Variants in BMPR1B observed in about 807,000 individuals in gnomAD.
The protein encoded by BMPR1B is bone morphogenetic protein receptor type 1B.
BMPR1B carries 12 observed loss-of-function variants against 59.1 expected under a neutral mutation model. The ratio of observed to expected loss-of-function variants is 0.20; its 90% CI spans 0.13 to 0.33. The LOEUF (loss-of-function observed/expected upper bound fraction) is 0.33, where lower values mean the gene tolerates loss of function less well. Among genes scored for constraint, BMPR1B ranks in the 10% least tolerant of loss-of-function variants. The probability of loss-of-function intolerance (pLI) is 1.00; values close to 1 mark genes in which losing one functional copy is unlikely to be tolerated. For synonymous variants in BMPR1B, 237 were observed against 207.3 expected (o/e 1.14, Z -1.23); for missense variants, 550 against 610.9 (o/e 0.90, Z 1.05).
intron 5 of BMPR1B, 50 bp downstream of exon 5, chr4:95,114,872 C>T (rs1355903997): frequency 6.7e-7 from 1 of 1,496,146 alleles, no homozygotes; most frequent in Admixed American, 1.7e-5. Context: ...AGATTTCCAA[C>T]AAGTTTCAAG....
chr4:94,992,805 C>A (rs1182563664), intron 2 of BMPR1B, among the ~76,000 whole-genome samples: 1 of 152,194 alleles, frequency 6.6e-6, no homozygotes, highest in Non-Finnish European at 1.5e-5. Context: ...CATCTCCTTA[C>A]AACCACCAAT....
intron 1 of BMPR1B, among the ~76,000 whole-genome samples, chr4:94,839,180 G>A (rs1456934870): frequency 7.7e-6 from 1 of 130,288 alleles, no homozygotes; most frequent in Non-Finnish European, 1.7e-5. Context: ...TTACTTCCAA[G>A]TATGTGGTCA....
intron 3 of BMPR1B, among the ~76,000 whole-genome samples, chr4:95,027,099 A>G (rs1258555653): frequency 6.6e-6 from 1 of 152,072 alleles, no homozygotes; most frequent in Admixed American, 6.6e-5. Flanking sequence ...CACGTTATCA[A>G]TAGTACAGAT....
chr4:94,879,571 C>G (rs1455794082), intron 2 of BMPR1B, among the ~76,000 whole-genome samples: 1 of 151,924 alleles, frequency 6.6e-6, no homozygotes, highest in African/African-American at 2.4e-5. Context: ...CCACTGTACT[C>G]CAGCTTGGAT....
intron 3 of BMPR1B, among the ~76,000 whole-genome samples, chr4:95,097,569 C>G (rs28601734): frequency 0.29 from 43,795 of 151,872 alleles, 6,899 homozygotes; most frequent in South Asian, 0.42. Flanking sequence ...GACAGAGTCT[C>G]GATCTGTCGC....
intron 3 of BMPR1B, among the ~76,000 whole-genome samples, chr4:95,066,624 G>T (rs889863559): frequency 6.6e-6 from 1 of 152,122 alleles, no homozygotes; most frequent in African/African-American, 2.4e-5. Flanking sequence ...TTGTGTGAGG[G>T]AGTGGAAATT....
chr4:95,005,570 C>T (rs1271104876), intron 3 of BMPR1B, among the ~76,000 whole-genome samples: 2 of 152,156 alleles, frequency 1.3e-5, no homozygotes, highest in Non-Finnish European at 1.5e-5. Flanking sequence ...CCTCCCACTT[C>T]CCTTCCTGGT....
intron 1 of BMPR1B, among the ~76,000 whole-genome samples, chr4:94,858,090 T>G (rs1179032973): frequency 1.3e-5 from 2 of 149,644 alleles, no homozygotes; most frequent in African/African-American, 5.0e-5. Context: ...GGACTACAGG[T>G]GCCCACCACC....
chr4:94,993,652 T>C (rs1404363843), intron 2 of BMPR1B, among the ~76,000 whole-genome samples: 4 of 151,424 alleles, frequency 2.6e-5, no homozygotes, highest in Non-Finnish European at 4.4e-5. Context: ...TCCTAGCTAC[T>C]TGGGAGGCCT....
At chr4:94,983,002 A>AC (rs1014586547) in intron 2 of BMPR1B, among the ~76,000 whole-genome samples, 1 of 151,398 alleles carries the variant, frequency 6.6e-6, no homozygotes, top group African/African-American at 2.4e-5. Flanking sequence ...AAAAAAAAAA[A>AC]CAAACGAAAA....
At chr4:94,920,918 A>G (rs1578803643) in intron 2 of BMPR1B, among the ~76,000 whole-genome samples, 1 of 152,334 alleles carries the variant, frequency 6.6e-6, no homozygotes, top group East Asian at 1.9e-4. Context: ...CATCCTGGTT[A>G]TCTGTGAACA....
Position 95,156,229 on chromosome 4 carries a change from C to G in BMPR1B, c.*1556C>G, listed in dbSNP as rs1421749852. The G allele has an allele frequency of 6.6e-6, 1 of 151,812 alleles. No homozygotes were observed. Among genetic ancestry groups the G allele is most frequent in the Non-Finnish European group, 1.5e-5 (1 of 67,972 alleles). The allele number at this position is 151,812 out of a possible 1,614,324, so 9.4% of individuals were successfully genotyped here. A position where few individuals can be genotyped will look rare whatever the true frequency, so the allele number is the denominator to read the frequency against. Reference sequence around the variant, plus strand: ...TGTACACATCCTGCTCAACTTTATTCATATACATTTCCTTTCTGTGGTTTT... The same window carrying G: ...TGTACACATCCTGCTCAACTTTATTGATATACATTTCCTTTCTGTGGTTTT... On this transcript the variant is annotated 3_prime_UTR_variant, in exon 13 of 13. Transcript: ENST00000515059.
At chr4:94,863,887 T>C (rs992683491) in intron 1 of BMPR1B, among the ~76,000 whole-genome samples, 3 of 152,242 alleles carry the variant, frequency 2.0e-5, no homozygotes, top group Non-Finnish European at 4.4e-5. Context: ...CCAGTAGATA[T>C]TTTATACTTG....
At chr4:94,966,642 A>C (rs1730566396) in intron 2 of BMPR1B, among the ~76,000 whole-genome samples, 1 of 152,208 alleles carries the variant, frequency 6.6e-6, no homozygotes, top group Non-Finnish European at 1.5e-5. Context: ...ACTCTGTGGA[A>C]AATCTTCCAG....
In BMPR1B at chr4:95,029,328, A is replaced by G. The variant is rs529023345; in HGVS notation, c.-18+33194A>G. On this transcript the variant is annotated intron_variant, in intron 3 of 12. Transcript: ENST00000515059. The stretch of plus-strand genomic sequence containing the variant: ...TGTTCTCATTGTTCAGTTCCCACCT[A>G]TGAGTGAGAACATGTGGTATTTGGT... 4.6e-3 allele frequency among the ~76,000 whole-genome samples: 648 copies of G among 140,362 alleles called. 5 individuals carry two copies. The highest frequency in any genetic ancestry group is 0.015 in the African/African-American group (581 of 37,534). The allele number at this position is 140,362 out of a possible 152,430, so 92.1% of individuals were successfully genotyped here.
At chr4:94,946,198 G>T (rs138936879) in intron 2 of BMPR1B, among the ~76,000 whole-genome samples, 126 of 152,138 alleles carry the variant, frequency 8.3e-4, no homozygotes, top group African/African-American at 2.9e-3. Context: ...GAATCTTTTG[G>T]CAGTTAACTC....
At chr4:95,152,071 G>GA (rs568663998) in intron 11 of BMPR1B, among the ~76,000 whole-genome samples, 109 of 151,900 alleles carry the variant, frequency 7.2e-4, no homozygotes, top group Non-Finnish European at 1.3e-3. Flanking sequence ...ATAAATATAG[G>GA]AAAAAAATCA....
intron 2 of BMPR1B, among the ~76,000 whole-genome samples, chr4:94,993,260 C>T (rs1721859314): frequency 6.6e-6 from 1 of 152,012 alleles, no homozygotes; most frequent in Non-Finnish European, 1.5e-5. Flanking sequence ...TTAATGGAAT[C>T]AGTGTCTAGA....
chr4:94,929,370 T>C (rs1268038715), intron 2 of BMPR1B, among the ~76,000 whole-genome samples: 1 of 152,102 alleles, frequency 6.6e-6, no homozygotes, highest in Non-Finnish European at 1.5e-5. Flanking sequence ...TCATATTTGC[T>C]CCTCTGTAAC....
Sources: gnomAD v4.1 joint callset for allele counts (sites outside exome capture counted in the v4.1 genomes callset) on GRCh38, gnomAD v4.1.1 for gene constraint, MANE v1.5 for transcripts, NCBI Gene and HGNC (gene_info 2026-07-23, HGNC 2026-07-21) for gene names.